The following PCDH11Y variants were observed in gnomAD, a reference collection of about 807,000 sequenced individuals.
PCDH11Y encodes protocadherin-11 Y-linked.
For synonymous variants in PCDH11Y, 9 were observed against 83.6 expected (o/e 0.11, Z 4.87); for missense variants, 12 against 224.8 (o/e 0.05, Z 6.05).
At chrY:5,539,993 T>C in intron 3 of PCDH11Y, among the ~76,000 whole-genome samples, 1 of 32,722 alleles carries the variant, frequency 3.1e-5, no homozygotes, top group Non-Finnish European at 7.6e-5. Context: ...CAATGTTTGG[T>C]ATTCTGTGGT....
chrY:5,273,704 G>T (rs2053040289), intron 2 of PCDH11Y, among the ~76,000 whole-genome samples: 1 of 32,543 alleles, frequency 3.1e-5, no homozygotes, highest in Non-Finnish European at 7.5e-5. Context: ...GTTTCTTATT[G>T]GACCTAAAAG....
chrY:5,229,497 AG>A (rs2052965650), intron 2 of PCDH11Y, among the ~76,000 whole-genome samples: 1 of 30,076 alleles, frequency 3.3e-5, no homozygotes, highest in Non-Finnish European at 7.9e-5. Flanking sequence ...TTGTATTTTT[AG>A]TAGAGACGGG....
chrY:5,686,569 G>C (rs2053563273), intron 4 of PCDH11Y, among the ~76,000 whole-genome samples: 2 of 33,599 alleles, frequency 6.0e-5, no homozygotes, highest in African/African-American at 2.3e-4. Context: ...TCTCTTTGTA[G>C]CAATTGTGAA....
At chrY:5,148,391 T>G in intron 2 of PCDH11Y, among the ~76,000 whole-genome samples, 1 of 32,803 alleles carries the variant, frequency 3.0e-5, no homozygotes, top group South Asian at 6.8e-4. Flanking sequence ...AACATGCCAC[T>G]TAGGGGCTTA....
At chrY:5,016,271 A>G (rs2052561014) in intron 1 of PCDH11Y, among the ~76,000 whole-genome samples, 1 of 33,313 alleles carries the variant, frequency 3.0e-5, no homozygotes, top group Non-Finnish European at 7.4e-5. Flanking sequence ...CTTTGAAGTG[A>G]CTTGCCCAAG....
chrY:5,439,525 C>A, intron 2 of PCDH11Y, among the ~76,000 whole-genome samples: 1 of 33,071 alleles, frequency 3.0e-5, no homozygotes, highest in Non-Finnish European at 7.5e-5. Context: ...AAGTGACAAT[C>A]AAACATAATA....
chrY:5,573,335 C>A, intron 3 of PCDH11Y: 1 of 269,183 alleles, frequency 3.7e-6, no homozygotes, highest in Non-Finnish European at 5.7e-6. Flanking sequence ...GGGGCCTGGC[C>A]GCGGGGATGG....
At chrY:5,455,930 A>T in intron 2 of PCDH11Y, among the ~76,000 whole-genome samples, 1 of 33,581 alleles carries the variant, frequency 3.0e-5, no homozygotes, top group African/African-American at 1.2e-4. Flanking sequence ...TATCCAAACT[A>T]TATCACAACC....
chrY:5,493,544 T>G, intron 2 of PCDH11Y, among the ~76,000 whole-genome samples: 2 of 32,896 alleles, frequency 6.1e-5, no homozygotes, highest in Admixed American at 5.7e-4. Flanking sequence ...ATGGAGTAAG[T>G]AGTTTAGGTT....
At chrY:5,343,581 TA>T (rs2053149048) in intron 2 of PCDH11Y, among the ~76,000 whole-genome samples, 1 of 32,153 alleles carries the variant, frequency 3.1e-5, no homozygotes, top group South Asian at 7.1e-4. Flanking sequence ...GATAATCTGA[TA>T]AATTATTTAT....
chrY:5,713,422 T>A, intron 4 of PCDH11Y, among the ~76,000 whole-genome samples: 1 of 33,107 alleles, frequency 3.0e-5, no homozygotes, highest in Non-Finnish European at 7.5e-5. Context: ...TTATTTGGTA[T>A]ATCAAAATCA....
chrY:5,082,939 T>A, intron 1 of PCDH11Y, among the ~76,000 whole-genome samples: 1 of 31,339 alleles, frequency 3.2e-5, no homozygotes, highest in Admixed American at 2.9e-4. Context: ...AACCTTCCAG[T>A]CTGTCAGGCC....
chrY:5,519,281 G>T (rs1370685738), intron 3 of PCDH11Y, among the ~76,000 whole-genome samples: 1 of 30,250 alleles, frequency 3.3e-5, no homozygotes, highest in Admixed American at 3.0e-4. Context: ...TCCCAGCTAC[G>T]CGGGAGGCTG....
At chrY:5,481,199 A>C in intron 2 of PCDH11Y, among the ~76,000 whole-genome samples, 1 of 32,749 alleles carries the variant, frequency 3.1e-5, no homozygotes, top group Non-Finnish European at 7.5e-5. Context: ...GGAATTTCCC[A>C]ATCTGCAGAT....
chrY:5,333,631 G>A (rs1569476798), intron 2 of PCDH11Y, among the ~76,000 whole-genome samples: 2 of 32,797 alleles, frequency 6.1e-5, no homozygotes, highest in East Asian at 1.7e-3. Flanking sequence ...GGCCAGGCAC[G>A]GTGGCTCATG....
At chrY:5,733,506 G>T (rs1303190927) in intron 4 of PCDH11Y, among the ~76,000 whole-genome samples, 1 of 31,265 alleles carries the variant, frequency 3.2e-5, no homozygotes, top group African/African-American at 1.3e-4. Context: ...GGTACTTATG[G>T]GTGAGAGCTG....
chrY:5,374,985 T>C, intron 2 of PCDH11Y, among the ~76,000 whole-genome samples: 2 of 33,846 alleles, frequency 5.9e-5, no homozygotes, highest in Admixed American at 5.5e-4. Flanking sequence ...AGCATTTTTG[T>C]TGTTTCCTTT....
intron 1 of PCDH11Y, among the ~76,000 whole-genome samples, chrY:5,093,699 A>G: frequency 3.3e-5 from 1 of 30,439 alleles, no homozygotes; most frequent in African/African-American, 1.3e-4. Flanking sequence ...TTCAGGAAAT[A>G]ATTTTGAAAT....
At chrY:5,473,201 T>C in intron 2 of PCDH11Y, among the ~76,000 whole-genome samples, 3 of 29,693 alleles carry the variant, frequency 1.0e-4, no homozygotes, top group Non-Finnish European at 2.4e-4. Context: ...AAACTTACCA[T>C]TGTAGTAGTT....
Sources: allele counts gnomAD v4.1 joint callset (sites outside exome capture counted in the v4.1 genomes callset), GRCh38; gene constraint gnomAD v4.1.1; transcripts MANE v1.5; gene names NCBI Gene and HGNC (gene_info 2026-07-23, HGNC 2026-07-21).